The following ERBB3 variants were observed in gnomAD, a reference collection of about 807,000 sequenced individuals.
The protein encoded by ERBB3 is receptor tyrosine-protein kinase erbB-3.
ERBB3 carries 96 observed loss-of-function variants against 156.7 expected under a neutral mutation model. That is an observed-to-expected ratio of 0.61 (90% CI 0.52 to 0.73). The LOEUF (loss-of-function observed/expected upper bound fraction) is 0.73. Among genes scored for constraint, ERBB3 ranks in the 30% least tolerant of loss-of-function variants. The pLI is 0.00. For synonymous variants in ERBB3, 567 were observed against 632.0 expected (o/e 0.90, Z 1.54); for missense variants, 1,406 against 1,709.4 (o/e 0.82, Z 3.13).
chr12:56,095,705 T>C lies in ERBB3; in HGVS notation c.1954T>C (p.Leu652=), dbSNP rs777500852. Residue 652 remains leucine (L), a synonymous_variant, in exon 17 of 28, where the codon TTG becomes CTG. Coordinates refer to ENST00000267101, the MANE Select transcript of ERBB3 (RefSeq NM_001982.4). ...AATGGCTTTGACAGTGATAGCAGGA[T>C]TGGTAGTGATTTTCATGATGCTGGG... ...LTMALTVIAG[L]VVIFMMLGGT... 4 of 1,614,036 alleles carry C rather than the reference T, an allele frequency of 2.5e-6. No individual in the cohort carries two copies. The highest frequency in any genetic ancestry group is 3.4e-6 in the Non-Finnish European group (4 of 1,179,988).
At chr12:56,098,474 G>C (rs778646490) in intron 21 of ERBB3, 26 bp from the exon 22 acceptor site, 10 of 1,468,530 alleles carry the variant, frequency 6.8e-6, no homozygotes, top group Non-Finnish European at 9.5e-6. Flanking sequence ...AAATAAACTT[G>C]TGATACCTCT....
rs752745097 is a variant in ERBB3, at chr12:56,093,501, T to C, written c.1431T>C (p.Pro477=). 6.2e-7 allele frequency: 1 copy of C among 1,613,830 alleles called. No individual in the cohort carries two copies. The change falls in exon 12 of 28, where the codon CCT becomes CCC. Residue 477 remains proline (P), a synonymous_variant. Transcript: ENST00000267101. ...ACTGGACCAAGGTGCTTCGGGGGCC[T>C]ACGGAAGAGCGACTAGACATCAAGC... ...SLNWTKVLRG[P]TEERLDIKHN...
chr12:56,100,895 T>G (rs960169711), intron 26 of ERBB3, among the ~76,000 whole-genome samples, 166 bp from the exon 27 acceptor site: 4 of 123,128 alleles, frequency 3.2e-5, no homozygotes, highest in Middle Eastern at 8.1e-3. Context: ...GCCAAGATAA[T>G]GCCACTGCAC....
At chr12:56,098,471 C>A in intron 21 of ERBB3, 29 bp from the exon 22 acceptor site, 10 of 1,449,946 alleles carry the variant, frequency 6.9e-6, no homozygotes, top group East Asian at 2.3e-5. Flanking sequence ...TGGAAATAAA[C>A]TTGTGATACC....
intron 1 of ERBB3, chr12:56,083,349 T>G: frequency 3.0e-6 from 1 of 334,714 alleles, no homozygotes; most frequent in Non-Finnish European, 5.8e-6. Flanking sequence ...AGAGGCAGGA[T>G]GAGGGTAGAG....
At chr12:56,098,617 G>T in intron 22 of ERBB3, 42 bp downstream of exon 22, 1 of 1,594,582 alleles carries the variant, frequency 6.3e-7, no homozygotes, top group Non-Finnish European at 8.6e-7. Flanking sequence ...ACTGGCCCCA[G>T]TTTCAAATTT....
Position 56,101,725 on chromosome 12 carries a change from C to T in ERBB3, c.3699C>T (p.Ala1233=). 1.2e-6 allele frequency: 2 copies of T among 1,613,918 alleles called. No individual in the cohort carries two copies. Among genetic ancestry groups the T allele is most frequent in the Non-Finnish European group, 1.7e-6 (2 of 1,179,996 alleles). ...EYMDVGSDLS[A]SLGSTQSCPL... is the part of the protein sequence containing the mutation. ...TGGATGTGGGGTCAGACCTCAGTGC[C>T]TCTCTGGGCAGCACACAGAGTTGCC... Residue 1233 remains alanine, a synonymous_variant, in exon 28 of 28, where the codon GCC becomes GCT. Coordinates refer to ENST00000267101, the MANE Select transcript of ERBB3 (RefSeq NM_001982.4).
rs1868768759 is a variant in ERBB3 at position 56,093,052 on chromosome 12, C to T, written c.1250C>T (p.Thr417Ile). 5 of 1,613,700 alleles carry T rather than the reference C, an allele frequency of 3.1e-6. No individual in the cohort carries two copies. The highest frequency in any genetic ancestry group is 1.3e-5 in the African/African-American group (1 of 74,900). ...HNFSVFSNLT[T>I]IGGRSLYNRG... ...TTCAGTGTTTTTTCCAATTTGACAACCATTGGAGGCAGAAGCCTCTACAAG... is the reference window on the plus strand; with the variant it reads ...TTCAGTGTTTTTTCCAATTTGACAATCATTGGAGGCAGAAGCCTCTACAAG... Residue 417 changes from threonine to isoleucine, a missense_variant, in exon 11 of 28, where the codon ACC becomes ATC. Around this residue, in one of 3 missense-constraint regions of ERBB3, gnomAD observed 979 missense variants for 1,219.6 expected, o/e 0.80. Coordinates refer to ENST00000267101, the MANE Select transcript of ERBB3 (RefSeq NM_001982.4).
Position 56,095,711 on chromosome 12 carries a change from G to A in ERBB3, c.1960G>A (p.Val654Met). Reference protein sequence around the residue: ...MALTVIAGLVVIFMMLGGTFL... With the variant: ...MALTVIAGLVMIFMMLGGTFL... ...TTTGACAGTGATAGCAGGATTGGTAGTGATTTTCATGATGCTGGGCGGCAC... is the reference window on the plus strand; with the variant it reads ...TTTGACAGTGATAGCAGGATTGGTAATGATTTTCATGATGCTGGGCGGCAC... The change falls in exon 17 of 28, where the codon GTG becomes ATG. Residue 654 changes from valine (V) to methionine (M), a missense_variant. This residue lies in a region of ERBB3 where 979 missense variants were observed against 1,219.6 expected (regional missense o/e 0.80). Transcript: ENST00000267101. The A allele has an allele frequency of 6.2e-7, 1 of 1,614,240 alleles. No individual in the cohort carries two copies. The highest frequency in any genetic ancestry group is 8.5e-7 in the Non-Finnish European group (1 of 1,180,044).
intron 1 of ERBB3, 142 bp from the exon 2 acceptor site, chr12:56,083,609 G>A (rs191590515): frequency 1.3e-5 from 11 of 863,096 alleles, no homozygotes; most frequent in Middle Eastern, 3.2e-4. Context: ...CCTATCGCTT[G>A]TGGGAGGGTT....
chr12:56,087,525 C>G, intron 4 of ERBB3, 52 bp from the exon 5 acceptor site: 3 of 1,472,970 alleles, frequency 2.0e-6, no homozygotes, highest in Non-Finnish European at 2.9e-6. Flanking sequence ...TTGATTAAAA[C>G]AAGCCTTTCT....
At position 56,086,607 on chromosome 12, in the gene ERBB3, C is replaced by T. The variant is rs879027206; in HGVS notation, c.498C>T (p.Ile166=). 3.1e-6 allele frequency: 5 copies of T among 1,614,096 alleles called. No homozygotes were observed. Among genetic ancestry groups the T allele is most frequent in the Non-Finnish European group, 4.2e-6 (5 of 1,179,978 alleles). Residue 166 remains isoleucine (I), a synonymous_variant, in exon 4 of 28, where the codon ATC becomes ATT. Coordinates refer to ENST00000267101, the MANE Select transcript of ERBB3 (RefSeq NM_001982.4). The stretch of plus-strand genomic sequence containing the variant: ...TGGACACAATTGACTGGAGGGACAT[C>T]GTGAGGGACCGAGATGCTGAGATAG... The part of the protein sequence containing the change: ...CHMDTIDWRD[I]VRDRDAEIVV...
chr12:56,096,346 G>A lies in ERBB3; in HGVS notation c.2056-157G>A, dbSNP rs967646425. On this transcript the variant is annotated intron_variant, in intron 17 of 27. Transcript: ENST00000267101. ...ATAACTTCCTCAGTTCTCAGGGTCT[G>A]TACCTCAATATGCCTATAATCCATT... The A allele has an allele frequency of 1.5e-5, 13 of 858,736 alleles. No homozygotes were observed. In the African/African-American group the frequency reaches 1.8e-4, roughly 12 times the overall value. 53.2% of individuals were successfully genotyped at this position (858,736 alleles called of 1,614,324 possible). A position where few individuals can be genotyped will look rare whatever the true frequency, so the allele number is the denominator to read the frequency against.
chr12:56,080,255 C>CCTAG lies in ERBB3; in HGVS notation c.-45_-44insTAGC, dbSNP rs1868336593. ...TTGCCTCGATGTCCTAGCCTAGGGG[C>CCTAG]CCCCGGGCCGGACTTGGCTGGGCTC... On this transcript the variant is annotated 5_prime_UTR_variant, in exon 1 of 28. Transcript: ENST00000267101. 4.7e-6 allele frequency: 7 copies of CCTAG among 1,474,738 alleles called. No homozygotes were observed. Among genetic ancestry groups the CCTAG allele is most frequent in the Non-Finnish European group, 5.6e-6 (6 of 1,079,884 alleles). 91.4% of individuals were successfully genotyped at this position (1,474,738 alleles called of 1,614,324 possible).
rs200790453 is a variant in ERBB3 at position 56,091,410 on chromosome 12, A to AT, written c.1110-1322dup. On this transcript the variant is annotated intron_variant, in intron 9 of 27. Transcript: ENST00000267101. ...TATATGTGTGTGTATATATATATAT[A>AT]TTTTTTTTTTTTTTTGAGACGGAGT... 4.5e-3 allele frequency among the ~76,000 whole-genome samples: 275 copies of AT among 61,176 alleles called. 6 individuals carry two copies. The highest frequency in any genetic ancestry group is 0.013 in the African/African-American group (208 of 16,540). 40.1% of individuals were successfully genotyped at this position (61,176 alleles called of 152,430 possible).
At chr12:56,093,975 G>C in intron 13 of ERBB3, 79 bp downstream of exon 13, 2 of 1,594,944 alleles carry the variant, frequency 1.3e-6, no homozygotes, top group Non-Finnish European at 1.7e-6. Flanking sequence ...TACAATAAAA[G>C]TCTTTAGACA....
intron 4 of ERBB3, 67 bp from the exon 5 acceptor site, chr12:56,087,510 C>A (rs1868524503): frequency 1.5e-6 from 2 of 1,306,648 alleles, no homozygotes; most frequent in Non-Finnish European, 2.2e-6. Flanking sequence ...TGACATCATA[C>A]CCCGTTGATT....
chr12:56,082,998 A>T lies in ERBB3; in HGVS notation c.83-753A>T, dbSNP rs1033077704. The stretch of plus-strand genomic sequence containing the variant: ...GGGATGGGGGAGAGAGTGAGAAGGA[A>T]ACCCTGAGTTTAGGAAGGCGGGGAG... On this transcript the variant is annotated intron_variant, in intron 1 of 27. Coordinates refer to ENST00000267101, the MANE Select transcript of ERBB3 (RefSeq NM_001982.4). Among the ~76,000 whole-genome samples, 3 of 152,046 alleles carry T rather than the reference A, an allele frequency of 2.0e-5. No individual in the cohort carries two copies. The South Asian group carries it at 6.2e-4, about 32-fold the overall frequency.
chr12:56,082,559 C>T (rs929224446), intron 1 of ERBB3, among the ~76,000 whole-genome samples: 1 of 152,068 alleles, frequency 6.6e-6, no homozygotes, highest in Non-Finnish European at 1.5e-5. Context: ...GTCTCCCTCC[C>T]TCCATTCCCA....
Sources: gnomAD v4.1 joint callset for allele counts (sites outside exome capture counted in the v4.1 genomes callset) on GRCh38, gnomAD v4.1.1 for gene constraint, gnomAD v4.1.1 regional missense constraint, MANE v1.5 for transcripts, NCBI Gene and HGNC (gene_info 2026-07-23, HGNC 2026-07-21) for gene names.